Variants in GHR observed in about 807,000 individuals in gnomAD.
GHR encodes growth hormone receptor, also known as GH receptor.
A neutral mutation model predicts 67.1 loss-of-function variants in GHR; 35 were observed. That is an observed-to-expected ratio of 0.52 (90% CI 0.40 to 0.69). GHR has a LOEUF of 0.69. Among genes scored for constraint, GHR ranks in the 30% least tolerant of loss-of-function variants. The pLI, the probability that GHR is intolerant of heterozygous loss-of-function variation, is 0.00. For missense variants in GHR, 792 were observed against 764.6 expected, an observed-to-expected ratio of 1.04 and a Z score of -0.42; for synonymous variants, 272 against 269.1, an observed-to-expected ratio of 1.01 and a Z score of -0.10.
intron 2 of GHR, among the ~76,000 whole-genome samples, chr5:42,577,477 G>C (rs1750815633): frequency 6.6e-6 from 1 of 152,062 alleles, no homozygotes; most frequent in Non-Finnish European, 1.5e-5. Flanking sequence ...GGTATTTCTG[G>C]CTACCCCTTT....
intron 6 of GHR, among the ~76,000 whole-genome samples, chr5:42,709,349 G>A (rs753085986): frequency 8.5e-5 from 13 of 152,234 alleles, no homozygotes; most frequent in Non-Finnish European, 1.5e-4. Context: ...CATCATGTTG[G>A]CCAGACTGGT....
intron 1 of GHR, among the ~76,000 whole-genome samples, chr5:42,489,812 T>TA (rs34627288): frequency 6.6e-6 from 1 of 152,190 alleles, no homozygotes; most frequent in Non-Finnish European, 1.5e-5. Flanking sequence ...TAAGACTTTT[T>TA]AAAAAAGGTA....
chr5:42,551,713 G>A (rs1749044910), intron 1 of GHR, among the ~76,000 whole-genome samples: 1 of 152,122 alleles, frequency 6.6e-6, no homozygotes, highest in South Asian at 2.1e-4. Flanking sequence ...TTAGACAGAG[G>A]TTATTTTAGG....
intron 1 of GHR, among the ~76,000 whole-genome samples, chr5:42,456,522 T>C (rs1335975534): frequency 6.6e-6 from 1 of 151,666 alleles, no homozygotes; most frequent in South Asian, 2.1e-4. Flanking sequence ...GTTACCAACA[T>C]AGAAAAAAAA....
At chr5:42,427,188 A>C (rs555856041) in intron 1 of GHR, among the ~76,000 whole-genome samples, 1 of 152,300 alleles carries the variant, frequency 6.6e-6, no homozygotes, top group Non-Finnish European at 1.5e-5. Context: ...TTGATTGTAC[A>C]TTCTCATTGT....
chr5:42,550,559 T>C (rs926327341), intron 1 of GHR, among the ~76,000 whole-genome samples: 2 of 152,224 alleles, frequency 1.3e-5, no homozygotes, highest in Non-Finnish European at 1.5e-5. Flanking sequence ...AAATTGTGAT[T>C]GGTGTTCTGT....
chr5:42,680,895 C>T lies in GHR; in HGVS notation c.137-7995C>T, dbSNP rs143272771. The stretch of plus-strand genomic sequence containing the variant: ...TTTGTTCTGGCATGCATGTGCACAA[C>T]GTGCAGATTTGTTACATAGGCATAC... On this transcript the variant is annotated intron_variant, in intron 3 of 9. Transcript: ENST00000230882. Among the ~76,000 whole-genome samples, 155 of 151,922 alleles carry T rather than the reference C, an allele frequency of 1.0e-3. 1 individual carries two copies. Among genetic ancestry groups the T allele is most frequent in the African/African-American group, 3.6e-3 (151 of 41,438 alleles).
intron 2 of GHR, among the ~76,000 whole-genome samples, chr5:42,625,106 G>A (rs1753635276): frequency 6.6e-6 from 1 of 151,624 alleles, no homozygotes; most frequent in Non-Finnish European, 1.5e-5. Flanking sequence ...CTGCTTCCCA[G>A]TTAGCTAACT....
intron 4 of GHR, among the ~76,000 whole-genome samples, chr5:42,694,444 C>T (rs1757571541): frequency 6.6e-6 from 1 of 152,186 alleles, no homozygotes; most frequent in African/African-American, 2.4e-5. Context: ...TAATGCATCA[C>T]TCTGCCTGGA....
chr5:42,512,894 T>C (rs1252112979), intron 1 of GHR, among the ~76,000 whole-genome samples: 2 of 152,114 alleles, frequency 1.3e-5, no homozygotes, highest in Non-Finnish European at 2.9e-5. Context: ...TGGTGCAACT[T>C]TTGGTGGCAT....
Position 42,534,212 on chromosome 5 carries a change from A to ATG in GHR, c.-11-31650_-11-31649dup, listed in dbSNP as rs1217425975. On this transcript the variant is annotated intron_variant, in intron 1 of 9. Transcript: ENST00000230882. The stretch of plus-strand genomic sequence containing the variant: ...TATGTACATGTGTATATATGTATAT[A>ATG]TGTATATATGTACATGTGTATATGT... Among the ~76,000 whole-genome samples, 15 of 119,416 alleles carry ATG rather than the reference A, an allele frequency of 1.3e-4. 1 individual carries two copies. The highest frequency in any genetic ancestry group is 6.4e-4 in the African/African-American group (15 of 23,360). The allele number at this position is 119,416 out of a possible 152,430, so 78.3% of individuals were successfully genotyped here.
intron 2 of GHR, among the ~76,000 whole-genome samples, chr5:42,578,264 T>C (rs1750873641): frequency 2.0e-5 from 3 of 152,192 alleles, no homozygotes; most frequent in Non-Finnish European, 2.9e-5. Context: ...CTAGATCTGG[T>C]AGTTGCATAT....
chr5:42,668,048 A>G (rs1756083238), intron 3 of GHR, among the ~76,000 whole-genome samples: 1 of 152,172 alleles, frequency 6.6e-6, no homozygotes. Context: ...GTAGATCCAA[A>G]TATCATGTCA....
At chr5:42,681,339 C>G (rs1292416061) in intron 3 of GHR, among the ~76,000 whole-genome samples, 1 of 151,720 alleles carries the variant, frequency 6.6e-6, no homozygotes, top group Non-Finnish European at 1.5e-5. Context: ...TTTATGCAGC[C>G]AACAGACACA....
chr5:42,522,468 C>T (rs1747519260), intron 1 of GHR, among the ~76,000 whole-genome samples: 1 of 152,154 alleles, frequency 6.6e-6, no homozygotes, highest in South Asian at 2.1e-4. Flanking sequence ...ACCACTTTCT[C>T]TCCTCAATAT....
At chr5:42,664,353 G>T (rs1204327572) in intron 3 of GHR, among the ~76,000 whole-genome samples, 1 of 152,088 alleles carries the variant, frequency 6.6e-6, no homozygotes, top group Non-Finnish European at 1.5e-5. Context: ...ATACTACAAG[G>T]CTACAGTAAC....
intron 1 of GHR, among the ~76,000 whole-genome samples, chr5:42,425,284 T>C (rs992322816): frequency 4.6e-5 from 7 of 152,124 alleles, no homozygotes; most frequent in Non-Finnish European, 1.0e-4. Flanking sequence ...TTCAGGGTGC[T>C]GCTGTCCACA....
chr5:42,478,537 G>C (rs1745452074), intron 1 of GHR, among the ~76,000 whole-genome samples: 1 of 152,140 alleles, frequency 6.6e-6, no homozygotes, highest in Non-Finnish European at 1.5e-5. Flanking sequence ...TCTTCCATTT[G>C]TTTGTATCCT....
intron 1 of GHR, among the ~76,000 whole-genome samples, chr5:42,426,555 A>G (rs1742860810): frequency 6.6e-6 from 1 of 152,188 alleles, no homozygotes; most frequent in South Asian, 2.1e-4. Context: ...TATATTTCTT[A>G]ATGTGTTTAT....
Sources: allele counts gnomAD v4.1 joint callset (sites outside exome capture counted in the v4.1 genomes callset), GRCh38; gene constraint gnomAD v4.1.1; transcripts MANE v1.5; gene names NCBI Gene and HGNC (gene_info 2026-07-23, HGNC 2026-07-21).